Variants in AKT3 observed in about 807,000 individuals in gnomAD.
AKT3 encodes RAC-gamma serine/threonine-protein kinase.
Under a neutral mutation model 65.3 loss-of-function variants are expected in AKT3, and 15 were observed. The ratio of observed to expected loss-of-function variants is 0.23; its 90% CI spans 0.15 to 0.35. AKT3 has a LOEUF of 0.35. Among genes scored for constraint, AKT3 ranks in the 10% least tolerant of loss-of-function variants. The pLI, the probability that AKT3 is intolerant of heterozygous loss-of-function variation, is 1.00. For synonymous variants in AKT3, 206 were observed against 183.8 expected (o/e 1.12, Z -0.98); for missense variants, 243 against 576.5 (o/e 0.42, Z 5.92).
At chr1:243,600,682 G>A (rs950120558) in intron 8 of AKT3, among the ~76,000 whole-genome samples, 3 of 152,068 alleles carry the variant, frequency 2.0e-5, no homozygotes, top group African/African-American at 7.2e-5. Context: ...AGACCTAAAT[G>A]CAAGAGCTAA....
intron 8 of AKT3, among the ~76,000 whole-genome samples, chr1:243,584,563 G>T (rs541662364): frequency 6.6e-6 from 1 of 152,190 alleles, no homozygotes; most frequent in African/African-American, 2.4e-5. Flanking sequence ...AAACTGAATT[G>T]AAAAACACAT....
At chr1:243,617,850 T>A (rs570544012) in intron 6 of AKT3, among the ~76,000 whole-genome samples, 3 of 152,030 alleles carry the variant, frequency 2.0e-5, no homozygotes, top group Non-Finnish European at 4.4e-5. Context: ...TTCTGAGATA[T>A]AAAGTTAACA....
At chr1:243,673,946 T>C (rs888439387) in intron 3 of AKT3, among the ~76,000 whole-genome samples, 1 of 152,200 alleles carries the variant, frequency 6.6e-6, no homozygotes, top group African/African-American at 2.4e-5. Flanking sequence ...ATTTGAAACA[T>C]GATGAAACTG....
intron 12 of AKT3, among the ~76,000 whole-genome samples, chr1:243,512,859 C>T (rs1670105543): frequency 6.6e-6 from 1 of 152,196 alleles, no homozygotes. Context: ...CACCAGGTTA[C>T]AGATGAGAGT....
At position 243,658,556 on chromosome 1, in the gene AKT3, A is replaced by T. The variant is rs557729466; in HGVS notation, c.284+6216T>A. Among the ~76,000 whole-genome samples the T allele has an allele frequency of 2.6e-5, 4 of 152,328 alleles. No individual in the cohort carries two copies. The East Asian group carries it at 7.7e-4, about 29-fold the overall frequency. On this transcript the variant is annotated intron_variant, in intron 4 of 13. Transcript: ENST00000673466. ...TAACGTAGCTGCTACAGAAAACAGT[A>T]TGAAGATTCTTCAAAAACTTAAAAG...
At chr1:243,673,453 T>A (rs1192047462) in intron 3 of AKT3, among the ~76,000 whole-genome samples, 1 of 152,162 alleles carries the variant, frequency 6.6e-6, no homozygotes, top group Non-Finnish European at 1.5e-5. Context: ...TACATCATTA[T>A]ATTTAATAGT....
chr1:243,835,429 AT>A (rs1483164984), intron 2 of AKT3, among the ~76,000 whole-genome samples: 1 of 152,162 alleles, frequency 6.6e-6, no homozygotes, highest in Non-Finnish European at 1.5e-5. Context: ...CCCCTACAAC[AT>A]GTTATTTATC....
chr1:243,571,713 A>ACAGT (rs1674578958), intron 9 of AKT3, among the ~76,000 whole-genome samples: 1 of 152,210 alleles, frequency 6.6e-6, no homozygotes, highest in Admixed American at 6.5e-5. Flanking sequence ...AGACATTTAG[A>ACAGT]CAGTATAGGA....
At chr1:243,849,664 G>C (rs1331400298) in intron 1 of AKT3, among the ~76,000 whole-genome samples, 1 of 151,054 alleles carries the variant, frequency 6.6e-6, no homozygotes. Context: ...GGAGGGGCGA[G>C]GGGAAGGAGC....
chr1:243,794,672 A>G (rs1691842421), intron 2 of AKT3, among the ~76,000 whole-genome samples: 1 of 152,266 alleles, frequency 6.6e-6, no homozygotes. Flanking sequence ...TAAGAGAACC[A>G]TAAAAATACA....
At chr1:243,604,734 T>C (rs532769845) in intron 8 of AKT3, among the ~76,000 whole-genome samples, 1 of 152,280 alleles carries the variant, frequency 6.6e-6, no homozygotes, top group Admixed American at 6.5e-5. Context: ...CTGCAGTGTA[T>C]ACAAGTATTT....
intron 3 of AKT3, among the ~76,000 whole-genome samples, chr1:243,675,146 T>C (rs1683414484): frequency 6.6e-6 from 1 of 152,202 alleles, no homozygotes; most frequent in South Asian, 2.1e-4. Context: ...TATCAGTGCA[T>C]ACATACCACA....
intron 6 of AKT3, among the ~76,000 whole-genome samples, chr1:243,633,558 G>T (rs1047778807): frequency 6.6e-6 from 1 of 151,980 alleles, no homozygotes; most frequent in African/African-American, 2.4e-5. Flanking sequence ...TAAAGTTAAG[G>T]TGGTATAAAT....
At chr1:243,640,579 G>C (rs1330407502) in intron 5 of AKT3, among the ~76,000 whole-genome samples, 1 of 152,194 alleles carries the variant, frequency 6.6e-6, no homozygotes, top group Non-Finnish European at 1.5e-5. Flanking sequence ...GCTGGAGAGA[G>C]AGGCCATGTG....
In AKT3 at chr1:243,582,428, G is replaced by A. The variant is rs535019946; in HGVS notation, c.697-9380C>T. Among the ~76,000 whole-genome samples the A allele has an allele frequency of 2.4e-3, 345 of 144,234 alleles. 2 individuals are homozygous for A. The highest frequency in any genetic ancestry group is 8.7e-3 in the African/African-American group (338 of 38,832). The allele number at this position is 144,234 out of a possible 152,430, so 94.6% of individuals were successfully genotyped here. A position where few individuals can be genotyped will look rare whatever the true frequency, so the allele number is the denominator to read the frequency against. On this transcript the variant is annotated intron_variant, in intron 8 of 13. Coordinates refer to ENST00000673466, the MANE Select transcript of AKT3 (RefSeq NM_005465.7). ...ACCTTACCAGCCAGGAGAGACTGGGGACCTATTTTTAGCTTTCTCAAAAAA... is the reference window on the plus strand; with the variant it reads ...ACCTTACCAGCCAGGAGAGACTGGGAACCTATTTTTAGCTTTCTCAAAAAA...
chr1:243,648,786 A>C (rs1158202652), intron 4 of AKT3, among the ~76,000 whole-genome samples: 6 of 152,102 alleles, frequency 3.9e-5, no homozygotes. Flanking sequence ...CTTGGATGTC[A>C]GTAATTTGTG....
chr1:243,651,493 C>T (rs894507708), intron 4 of AKT3, among the ~76,000 whole-genome samples: 1 of 152,106 alleles, frequency 6.6e-6, no homozygotes, highest in African/African-American at 2.4e-5. Flanking sequence ...GGAATGCTTC[C>T]AGTTTTTGCC....
intron 8 of AKT3, among the ~76,000 whole-genome samples, chr1:243,573,757 G>T (rs1674729451): frequency 6.6e-6 from 1 of 151,978 alleles, no homozygotes; most frequent in Non-Finnish European, 1.5e-5. Context: ...AAAACTATAA[G>T]CCCATCCATT....
rs183615193 is a variant in AKT3 at position 243,841,739 on chromosome 1, T to C, written c.46+1386A>G. Reference sequence around the variant, plus strand: ...CATGCACTCTAATGTCCAGACTCTTTATTCGTACTAACCAAAAGCTAGAAG... The same window carrying C: ...CATGCACTCTAATGTCCAGACTCTTCATTCGTACTAACCAAAAGCTAGAAG... On this transcript the variant is annotated intron_variant, in intron 2 of 13. Transcript: ENST00000673466. 3.5e-3 allele frequency among the ~76,000 whole-genome samples: 535 copies of C among 152,258 alleles called. 2 individuals carry two copies. The highest frequency in any genetic ancestry group is 0.012 in the African/African-American group (516 of 41,552).
Sources: allele counts gnomAD v4.1 joint callset (sites outside exome capture counted in the v4.1 genomes callset), GRCh38; gene constraint gnomAD v4.1.1; transcripts MANE v1.5; gene names NCBI Gene and HGNC (gene_info 2026-07-23, HGNC 2026-07-21).